The following NAGS variants were observed in gnomAD, a reference collection of about 807,000 sequenced individuals.
NAGS encodes N-acetylglutamate synthase, mitochondrial.
Under a neutral mutation model 46.9 loss-of-function variants are expected in NAGS, and 34 were observed. The observed-to-expected ratio is 0.72, with a 90% CI of 0.55 to 0.97. NAGS has a LOEUF of 0.97. NAGS is among the 50% of genes least tolerant of loss of function. The probability of loss-of-function intolerance (pLI) is 0.00; values close to 1 mark genes in which losing one functional copy is unlikely to be tolerated. For missense variants in NAGS, 665 were observed against 747.0 expected, an observed-to-expected ratio of 0.89 and a Z score of 1.28; for synonymous variants, 334 against 346.3, an observed-to-expected ratio of 0.96 and a Z score of 0.39.
In NAGS at chr17:44,006,725, G is replaced by T; in HGVS notation, c.1096+16G>T. On this transcript the variant is annotated intron_variant, in intron 4 of 6. Coordinates refer to ENST00000293404, the MANE Select transcript of NAGS (RefSeq NM_153006.3). The surrounding 1 kb of genome is among the most constrained non-coding windows in gnomAD (Gnocchi z 4.8). ...AGCAACAAGGGTGAGGGCGGTGGGC[G>T]GGCCGGGGACTGGGTCCCGGGAGTG... 1 of 1,588,610 alleles carries T rather than the reference G, an allele frequency of 6.3e-7. No individual in the cohort carries two copies. The highest frequency in any genetic ancestry group is 1.1e-5 in the South Asian group (1 of 89,116).
rs1019236907 is a variant in NAGS at position 44,005,742 on chromosome 17, C to T, written c.532C>T (p.Pro178Ser). The stretch of plus-strand genomic sequence containing the variant: ...GAAGCCGCTGGTGGTCCTGGGGCTG[C>T]CGGCCCCTACGGCTCCCTCGGGCTG... The part of the protein sequence containing the change: ...DMKPLVVLGL[P>S]APTAPSGCLS... The change falls in exon 2 of 7, where the codon CCG becomes TCG. Residue 178 changes from proline (P) to serine (S), a missense_variant. Physicochemically the swap from Pro to Ser is moderately conservative, Grantham distance 74 (BLOSUM62 -1). Transcript: ENST00000293404. The surrounding 1 kb of genome is among the most constrained non-coding windows in gnomAD (Gnocchi z 7.2). The T allele has an allele frequency of 5.0e-6, 8 of 1,591,722 alleles. No homozygotes were observed. The African/African-American group carries it at 1.1e-4, about 21-fold the overall frequency.
chr17:44,008,089 G>A (rs1420875870), intron 6 of NAGS, among the ~76,000 whole-genome samples: 1 of 152,102 alleles, frequency 6.6e-6, no homozygotes, highest in Admixed American at 6.5e-5. Context: ...CTCTCCTTCA[G>A]TAACTACCCC....
rs1473496570 is a variant in NAGS, at chr17:44,004,744, C to T, written c.81C>T (p.Gly27=). The change falls in exon 1 of 7, where the codon GGC becomes GGT. Residue 27 remains glycine, a synonymous_variant. Coordinates refer to ENST00000293404, the MANE Select transcript of NAGS (RefSeq NM_153006.3). ...PRLRGRGGTG[G]ARRLSCGARR... ...TGAGAGGCCGGGGAGGCACTGGGGGCGCCCGAAGGCTGAGCTGTGGCGCGC... is the reference window on the plus strand; with the variant it reads ...TGAGAGGCCGGGGAGGCACTGGGGGTGCCCGAAGGCTGAGCTGTGGCGCGC... 1.4e-6 allele frequency: 2 copies of T among 1,458,366 alleles called. No homozygotes were observed. The highest frequency in any genetic ancestry group is 1.5e-5 in the South Asian group (1 of 67,532). 90.3% of individuals were successfully genotyped at this position (1,458,366 alleles called of 1,614,324 possible). A position where few individuals can be genotyped will look rare whatever the true frequency, so the allele number is the denominator to read the frequency against.
At position 44,007,530 on chromosome 17, in the gene NAGS, G is replaced by C. The variant is rs774774137; in HGVS notation, c.1268+36G>C. 2.5e-6 allele frequency: 4 copies of C among 1,613,190 alleles called. No individual in the cohort carries two copies. The African/African-American group carries it at 4.0e-5, about 16-fold the overall frequency. On this transcript the variant is annotated intron_variant, in intron 5 of 6. Transcript: ENST00000293404. The surrounding 1 kb of genome is among the most constrained non-coding windows in gnomAD (Gnocchi z 5.1). ...GGACCCCAGAGGGCGGGGTCTGGGG[G>C]GCAGTCGGGCAGCTTCGGACCAAGG...
In NAGS at chr17:44,006,766, T is replaced by C; in HGVS notation, c.1096+57T>C. On this transcript the variant is annotated intron_variant, in intron 4 of 6. Coordinates refer to ENST00000293404, the MANE Select transcript of NAGS (RefSeq NM_153006.3). The surrounding 1 kb of genome is among the most constrained non-coding windows in gnomAD (Gnocchi z 4.8). Reference sequence around the variant, plus strand: ...CCCGGGAGTGAGTACTGGCCGGGGCTGGGTGTCTGCGGTCAGGAGGAGCGG... The same window carrying C: ...CCCGGGAGTGAGTACTGGCCGGGGCCGGGTGTCTGCGGTCAGGAGGAGCGG... 1 of 1,516,970 alleles carries C rather than the reference T, an allele frequency of 6.6e-7. No homozygotes were observed. The allele number at this position is 1,516,970 out of a possible 1,614,324, so 94.0% of individuals were successfully genotyped here.
rs1165826206 is a variant in NAGS at position 44,007,967 on chromosome 17, C to T, written c.1451+194C>T. ...ATGCTTAACACTCCTTTTCTGGCAG[C>T]AAGTGACACCTCCTAAGCCCCACGC... is the stretch of plus-strand genomic sequence containing the variant. On this transcript the variant is annotated intron_variant, in intron 6 of 6. Coordinates refer to ENST00000293404, the MANE Select transcript of NAGS (RefSeq NM_153006.3). This position sits in a 1 kb window ranked among gnomAD's most constrained non-coding sequence, Gnocchi z 5.1. Among the ~76,000 whole-genome samples the T allele has an allele frequency of 6.6e-6, 1 of 152,272 alleles. No homozygotes were observed. The highest frequency in any genetic ancestry group is 1.9e-4 in the East Asian group (1 of 5,186).
chr17:44,008,544 C>A lies in NAGS; in HGVS notation c.1548C>A (p.Asn516Lys). Residue 516 changes from asparagine to lysine, a missense_variant, in exon 7 of 7, where the codon AAC (asparagine) becomes AAA (lysine). By Grantham distance (94) the Asn-to-Lys change is moderately conservative. Coordinates refer to ENST00000293404, the MANE Select transcript of NAGS (RefSeq NM_153006.3). ...TCCGGGACTCCTATGAGTTGGTCAA[C>A]CACGCCAAGGGACTGCCAGACTCCT... ...ADIRDSYELV[N>K]HAKGLPDSFH... 6.2e-7 allele frequency: 1 copy of A among 1,614,258 alleles called. No individual in the cohort carries two copies. Among genetic ancestry groups the A allele is most frequent in the Non-Finnish European group, 8.5e-7 (1 of 1,180,038 alleles).
chr17:44,008,604 C>G lies in NAGS; in HGVS notation c.*3C>G. On this transcript the variant is annotated 3_prime_UTR_variant, in exon 7 of 7. Coordinates refer to ENST00000293404, the MANE Select transcript of NAGS (RefSeq NM_153006.3). ...CAGCTTCTGACCCAGGCAGCTGACC[C>G]TCACCATGGACACTACAGGCCCTGG... The G allele has an allele frequency of 6.2e-7, 1 of 1,613,570 alleles. No homozygotes were observed.
Position 44,005,675 on chromosome 17 carries a change from C to A in NAGS, c.465C>A (p.Ser155=), listed in dbSNP as rs535703833. The change falls in exon 2 of 7, where the codon TCC becomes TCA. Residue 155 remains serine, a synonymous_variant. Transcript: ENST00000293404. This position sits in a 1 kb window ranked among gnomAD's most constrained non-coding sequence, Gnocchi z 7.2. ...TGCTCAAGTGCCAGCAGGGCGTATC[C>A]AGTCTGGCCTTTGCCCTGGCCTTCT... The part of the protein sequence containing the change: ...EEVLKCQQGV[S]SLAFALAFLQ... 7.0e-5 allele frequency: 112 copies of A among 1,610,038 alleles called. 1 individual carries two copies. The highest frequency in any genetic ancestry group is 2.5e-6 in the Non-Finnish European group (3 of 1,178,518).
At position 44,007,594 on chromosome 17, in the gene NAGS, C is replaced by G. The variant is rs1214956593; in HGVS notation, c.1272C>G (p.Tyr424Ter). 3.1e-6 allele frequency: 5 copies of G among 1,609,244 alleles called. No homozygotes were observed. The highest frequency in any genetic ancestry group is 4.2e-6 in the Non-Finnish European group (5 of 1,178,180). ...RLHSIYVSEG[Y>*]NAAAILTMEP... ...TGCCGCTCTCCCGCTGCGCCAGGTACAACGCCGCCGCCATTCTGACCATGG... is the reference window on the plus strand; with the variant it reads ...TGCCGCTCTCCCGCTGCGCCAGGTAGAACGCCGCCGCCATTCTGACCATGG... The change falls in exon 6 of 7, where the codon TAC (tyrosine) becomes TAG (stop). Residue 424 changes from tyrosine (Y) to a stop codon, truncating the protein, a stop_gained. Transcript: ENST00000293404. LOFTEE classifies it high-confidence loss of function. This position sits in a 1 kb window ranked among gnomAD's most constrained non-coding sequence, Gnocchi z 5.1.
chr17:44,006,249 T>A lies in NAGS; in HGVS notation c.915+12T>A. The A allele has an allele frequency of 6.2e-7, 1 of 1,612,354 alleles. No homozygotes were observed. The highest frequency in any genetic ancestry group is 8.5e-7 in the Non-Finnish European group (1 of 1,179,730). ...ACAGCAGTCATAAGGTGCGGCCCTTTCTTTCACCTTCCCCCACGCCGGCGA... is the reference window on the plus strand; with the variant it reads ...ACAGCAGTCATAAGGTGCGGCCCTTACTTTCACCTTCCCCCACGCCGGCGA... On this transcript the variant is annotated intron_variant, in intron 3 of 6. Transcript: ENST00000293404. The surrounding 1 kb of genome is among the most constrained non-coding windows in gnomAD (Gnocchi z 4.8).
chr17:44,006,883 G>A lies in NAGS; in HGVS notation c.1096+174G>A, dbSNP rs769333779. The A allele has an allele frequency of 1.2e-4, 77 of 653,934 alleles. No individual in the cohort carries two copies. Among genetic ancestry groups the A allele is most frequent in the Non-Finnish European group, 1.8e-4 (71 of 391,048 alleles). The allele number at this position is 653,934 out of a possible 1,614,324, so 40.5% of individuals were successfully genotyped here. On this transcript the variant is annotated intron_variant, in intron 4 of 6. Coordinates refer to ENST00000293404, the MANE Select transcript of NAGS (RefSeq NM_153006.3). The surrounding 1 kb of genome is among the most constrained non-coding windows in gnomAD (Gnocchi z 4.8). ...CCGAAACCCGGGGGAGGTGAGAGAG[G>A]AGGAGACCCAGTGTACTGGAAGGGA...
chr17:44,006,433 A>G lies in NAGS; in HGVS notation c.916-96A>G. 1 of 1,515,556 alleles carries G rather than the reference A, an allele frequency of 6.6e-7. No individual in the cohort carries two copies. 93.9% of individuals were successfully genotyped at this position (1,515,556 alleles called of 1,614,324 possible). ...CTGGCTAAGGACTCCGGGCGGAAGT[A>G]AGGATAAAGGGGTCAGAGAAAAGAG... On this transcript the variant is annotated intron_variant, in intron 3 of 6. Transcript: ENST00000293404. The surrounding 1 kb of genome is among the most constrained non-coding windows in gnomAD (Gnocchi z 4.8).
In NAGS at chr17:44,005,280, G is replaced by C. The variant is rs986412140; in HGVS notation, c.426+191G>C. Among the ~76,000 whole-genome samples the C allele has an allele frequency of 6.6e-6, 1 of 152,198 alleles. No homozygotes were observed. The highest frequency in any genetic ancestry group is 2.1e-4 in the South Asian group (1 of 4,830). On this transcript the variant is annotated intron_variant, in intron 1 of 6. Coordinates refer to ENST00000293404, the MANE Select transcript of NAGS (RefSeq NM_153006.3). This position sits in a 1 kb window ranked among gnomAD's most constrained non-coding sequence, Gnocchi z 7.2. ...CCTCCGGAAGCCTCCCGCCCAGCCC[G>C]AGTGAGGATCCTGGGGGACCCCACC...
Position 44,006,761 on chromosome 17 carries a change from G to T in NAGS, c.1096+52G>T. ...TGGGTCCCGGGAGTGAGTACTGGCC[G>T]GGGCTGGGTGTCTGCGGTCAGGAGG... On this transcript the variant is annotated intron_variant, in intron 4 of 6. Transcript: ENST00000293404. This position sits in a 1 kb window ranked among gnomAD's most constrained non-coding sequence, Gnocchi z 4.8. 6.5e-7 allele frequency: 1 copy of T among 1,527,170 alleles called. No individual in the cohort carries two copies. Among genetic ancestry groups the T allele is most frequent in the South Asian group, 1.2e-5 (1 of 81,526 alleles). The allele number at this position is 1,527,170 out of a possible 1,614,324, so 94.6% of individuals were successfully genotyped here.
chr17:44,007,244 C>T lies in NAGS; in HGVS notation c.1097-79C>T, dbSNP rs2049105403. 2 of 1,390,588 alleles carry T rather than the reference C, an allele frequency of 1.4e-6. No homozygotes were observed. The highest frequency in any genetic ancestry group is 2.0e-6 in the Non-Finnish European group (2 of 1,005,076). 86.1% of individuals were successfully genotyped at this position (1,390,588 alleles called of 1,614,324 possible). ...CCAAAGACGGAAATTGTCCCACCAG[C>T]GCCTGTCCTACCTGCAGTCCCCACC... On this transcript the variant is annotated intron_variant, in intron 4 of 6. Transcript: ENST00000293404. This position sits in a 1 kb window ranked among gnomAD's most constrained non-coding sequence, Gnocchi z 5.1.
Position 44,005,535 on chromosome 17 carries a change from C to T in NAGS, c.427-102C>T. 1 of 1,500,806 alleles carries T rather than the reference C, an allele frequency of 6.7e-7. No homozygotes were observed. The highest frequency in any genetic ancestry group is 1.2e-5 in the South Asian group (1 of 82,524). The allele number at this position is 1,500,806 out of a possible 1,614,324, so 93.0% of individuals were successfully genotyped here. On this transcript the variant is annotated intron_variant, in intron 1 of 6. Coordinates refer to ENST00000293404, the MANE Select transcript of NAGS (RefSeq NM_153006.3). The surrounding 1 kb of genome is among the most constrained non-coding windows in gnomAD (Gnocchi z 7.2). Reference sequence around the variant, plus strand: ...GGTGGCCAGAACTGGGTCCTGACAGCTTCTGGAAGGGTAGGGTCACCGAGA... The same window carrying T: ...GGTGGCCAGAACTGGGTCCTGACAGTTTCTGGAAGGGTAGGGTCACCGAGA...
Position 44,004,950 on chromosome 17 carries a change from C to A in NAGS, c.287C>A (p.Pro96His). The A allele has an allele frequency of 6.5e-7, 1 of 1,537,510 alleles. No homozygotes were observed. The highest frequency in any genetic ancestry group is 1.2e-5 in the South Asian group (1 of 84,134). ...PPVPHESPEPPSGRSLVQRDI... is the reference protein window; with the variant it reads ...PPVPHESPEPHSGRSLVQRDI... ...GTGCCCCACGAGTCCCCAGAGCCTC[C>A]TTCGGGCCGCTCGCTGGTGCAGCGG... The change falls in exon 1 of 7, where the codon CCT becomes CAT. Residue 96 changes from proline to histidine, a missense_variant. Physicochemically the swap from Pro to His is moderately conservative, Grantham distance 77. Transcript: ENST00000293404.
Position 44,008,468 on chromosome 17 carries a change from G to T in NAGS, c.1472G>T (p.Gly491Val). ...INPWYFKHSD[G>V]SFSNKQWIFF... ...CCCAGGTACTTCAAACACAGTGATG[G>T]CAGCTTCTCCAACAAGCAGTGGATC... Residue 491 changes from glycine to valine, a missense_variant, in exon 7 of 7, where the codon GGC becomes GTC. Gly to Val is a moderately radical substitution (Grantham distance 109). Coordinates refer to ENST00000293404, the MANE Select transcript of NAGS (RefSeq NM_153006.3). 6.2e-7 allele frequency: 1 copy of T among 1,614,250 alleles called. No homozygotes were observed. Among genetic ancestry groups the T allele is most frequent in the Non-Finnish European group, 8.5e-7 (1 of 1,180,034 alleles).
Sources: allele counts gnomAD v4.1 joint callset (sites outside exome capture counted in the v4.1 genomes callset), GRCh38; gene constraint gnomAD v4.1.1; non-coding constraint Gnocchi (gnomAD v3.1); transcripts MANE v1.5; gene names NCBI Gene and HGNC (gene_info 2026-07-23, HGNC 2026-07-21).